The following DCLK1 variants were observed in gnomAD, a reference collection of about 807,000 sequenced individuals.
DCLK1 encodes serine/threonine-protein kinase DCLK1.
A neutral mutation model predicts 86.2 loss-of-function variants in DCLK1; 16 were observed. That is an observed-to-expected ratio of 0.19 (90% confidence interval 0.13 to 0.28). The LOEUF (loss-of-function observed/expected upper bound fraction) is 0.28, where lower values mean the gene tolerates loss of function less well. Ranked by LOEUF, DCLK1 falls within the 10% of genes least tolerant of loss-of-function variation. The probability of loss-of-function intolerance (pLI) is 1.00; values close to 1 mark genes in which losing one functional copy is unlikely to be tolerated. For missense variants in DCLK1, 590 were observed against 940.2 expected (o/e 0.63, Z 4.87); for synonymous variants, 369 against 370.5 (o/e 1.00, Z 0.05).
intron 3 of DCLK1, among the ~76,000 whole-genome samples, chr13:35,967,586 G>T (rs1878840310): frequency 1.3e-5 from 2 of 152,158 alleles, no homozygotes. Context: ...TGGATTAAGG[G>T]TGGTGCAAGA....
chr13:35,838,528 T>A (rs1869559084), intron 7 of DCLK1, among the ~76,000 whole-genome samples: 3 of 152,116 alleles, frequency 2.0e-5, no homozygotes, highest in Admixed American at 6.6e-5. Context: ...TCCAAAACAA[T>A]CCAGTGAGTT....
chr13:36,058,759 T>C (rs1469570429), intron 3 of DCLK1, among the ~76,000 whole-genome samples: 1 of 152,194 alleles, frequency 6.6e-6, no homozygotes, highest in Non-Finnish European at 1.5e-5. Flanking sequence ...GAGAACTCGA[T>C]TGAGCATTTG....
intron 10 of DCLK1, among the ~76,000 whole-genome samples, chr13:35,823,707 T>G (rs1484673296): frequency 6.6e-6 from 1 of 152,236 alleles, no homozygotes; most frequent in Non-Finnish European, 1.5e-5. Flanking sequence ...ATGTGCATCA[T>G]GCTTGCCTAC....
chr13:36,034,928 C>T (rs895993491), intron 3 of DCLK1, among the ~76,000 whole-genome samples: 2 of 152,108 alleles, frequency 1.3e-5, no homozygotes, highest in Non-Finnish European at 2.9e-5. Flanking sequence ...GTTATAAAAG[C>T]GGAAAGGCTT....
chr13:35,847,759 T>G (rs959775102), intron 6 of DCLK1: 19 of 985,058 alleles, frequency 1.9e-5, no homozygotes, highest in Non-Finnish European at 2.4e-6. Context: ...CTGGTTCAAA[T>G]GGTTTTAGAA....
intron 15 of DCLK1, among the ~76,000 whole-genome samples, chr13:35,801,601 T>C (rs1223523980): frequency 2.0e-5 from 3 of 151,992 alleles, no homozygotes; most frequent in African/African-American, 4.8e-5. Flanking sequence ...AAAACTGAAA[T>C]GGACAGCAGA....
At chr13:35,828,178 T>C (rs898691559) in intron 9 of DCLK1, 72 bp downstream of exon 9, 2 of 1,268,808 alleles carry the variant, frequency 1.6e-6, no homozygotes, top group South Asian at 1.2e-5. Context: ...TTGTATTTGT[T>C]TGGGAGTGAT....
At chr13:35,992,774 T>C (rs949768253) in intron 3 of DCLK1, among the ~76,000 whole-genome samples, 5 of 152,186 alleles carry the variant, frequency 3.3e-5, no homozygotes, top group Admixed American at 2.6e-4. Context: ...GGTTGGACAA[T>C]ACATTTTATG....
chr13:35,902,443 A>G (rs933032954), intron 4 of DCLK1, among the ~76,000 whole-genome samples: 1 of 152,220 alleles, frequency 6.6e-6, no homozygotes, highest in Non-Finnish European at 1.5e-5. Flanking sequence ...GTATCCTGGC[A>G]GGATAGCATG....
intron 9 of DCLK1, 76 bp from the exon 10 acceptor site, chr13:35,827,830 C>T: frequency 1.3e-6 from 2 of 1,559,464 alleles, no homozygotes; most frequent in Non-Finnish European, 1.7e-6. Context: ...TACAACTATA[C>T]TATGTAAGGG....
chr13:35,967,022 C>A (rs1210423228), intron 3 of DCLK1, among the ~76,000 whole-genome samples: 1 of 150,336 alleles, frequency 6.7e-6, no homozygotes, highest in East Asian at 2.0e-4. Context: ...AAGTGAGGAG[C>A]GCCTCTTCCT....
At chr13:35,936,773 G>A (rs1269467122) in intron 4 of DCLK1, among the ~76,000 whole-genome samples, 3 of 152,214 alleles carry the variant, frequency 2.0e-5, no homozygotes, top group Non-Finnish European at 2.9e-5. Flanking sequence ...ACAAGGTGGC[G>A]TGGAACTAAT....
At chr13:35,970,837 T>C (rs776811287) in intron 3 of DCLK1, among the ~76,000 whole-genome samples, 1 of 152,182 alleles carries the variant, frequency 6.6e-6, no homozygotes, top group Non-Finnish European at 1.5e-5. Flanking sequence ...TGGGGAGAAT[T>C]GGTGAGGTCA....
chr13:35,839,797 T>C (rs1869662767), intron 6 of DCLK1, among the ~76,000 whole-genome samples: 1 of 20,462 alleles, frequency 4.9e-5, no homozygotes, highest in South Asian at 9.7e-4. Flanking sequence ...TGTAATTTTG[T>C]TTGATTTTTG....
At chr13:36,093,747 AT>A (rs1884913586) in intron 3 of DCLK1, among the ~76,000 whole-genome samples, 2 of 152,112 alleles carry the variant, frequency 1.3e-5, no homozygotes. Flanking sequence ...TAATTTTGAC[AT>A]TTTTTAGTGA....
intron 6 of DCLK1, among the ~76,000 whole-genome samples, chr13:35,842,228 C>CAAAAAAA (rs35862851): frequency 2.8e-5 from 1 of 35,128 alleles, no homozygotes; most frequent in African/African-American, 1.2e-4. Context: ...GACTCCATCT[C>CAAAAAAA]AAAAAAAAAA....
chr13:36,055,281 C>T (rs1883261963), intron 3 of DCLK1, among the ~76,000 whole-genome samples: 1 of 152,066 alleles, frequency 6.6e-6, no homozygotes. Flanking sequence ...TTGAAACTTC[C>T]CCTCCGATTT....
intron 3 of DCLK1, among the ~76,000 whole-genome samples, chr13:36,069,197 G>GA (rs1399115806): frequency 1.1e-4 from 16 of 152,128 alleles, no homozygotes. Context: ...GTACAGTCCA[G>GA]AAAATAATGC....
chr13:35,864,564 CAAAAAAAAAAA>C (rs1191888940), intron 5 of DCLK1, among the ~76,000 whole-genome samples: 1 of 20,748 alleles, frequency 4.8e-5, no homozygotes, highest in Non-Finnish European at 7.0e-5. Context: ...GACTCCGTCT[CAAAAAAAAAAA>C]AAAAAAAAAA....
Sources: gnomAD v4.1 joint callset for allele counts (sites outside exome capture counted in the v4.1 genomes callset) on GRCh38, gnomAD v4.1.1 for gene constraint, MANE v1.5 for transcripts, NCBI Gene and HGNC (gene_info 2026-07-23, HGNC 2026-07-21) for gene names.